Variants in PPP2R2A observed in about 807,000 individuals in gnomAD.
PPP2R2A encodes protein phosphatase 2 regulatory subunit Balpha, also known as serine/threonine-protein phosphatase 2A 55 kDa regulatory subunit B alpha isoform.
In PPP2R2A, 9 loss-of-function variants were observed where a neutral mutation model predicts 53.2. The ratio of observed to expected loss-of-function variants is 0.17; its 90% CI spans 0.10 to 0.30. PPP2R2A has a LOEUF of 0.30. Ranked by LOEUF, PPP2R2A falls within the 10% of genes least tolerant of loss-of-function variation. The pLI, the probability that PPP2R2A is intolerant of heterozygous loss-of-function variation, is 1.00. For synonymous variants in PPP2R2A, 169 were observed against 174.2 expected (o/e 0.97, Z 0.23); for missense variants, 235 against 534.6 (o/e 0.44, Z 5.53).
At chr8:26,344,619 C>T (rs937553375) in intron 3 of PPP2R2A, among the ~76,000 whole-genome samples, 2 of 152,180 alleles carry the variant, frequency 1.3e-5, no homozygotes, top group Admixed American at 1.3e-4. Context: ...TTTGCCCAGC[C>T]ATCTCTTCTT....
At chr8:26,295,910 C>T (rs1449911386) in intron 2 of PPP2R2A, among the ~76,000 whole-genome samples, 2 of 152,040 alleles carry the variant, frequency 1.3e-5, no homozygotes, top group Admixed American at 6.5e-5. Flanking sequence ...AACACATTCC[C>T]CACCCCCCTA....
At position 26,291,738 on chromosome 8, in the gene PPP2R2A, C is replaced by A. The variant is rs1180806586; in HGVS notation, c.-82C>A. ...ATCCGCCGCCATCCGCCCTCTCTAC[C>A]CCCCCATCCCCAGGTGAGGGGGGTG... On this transcript the variant is annotated 5_prime_UTR_variant, in exon 1 of 10. Transcript: ENST00000380737. 20 of 1,483,866 alleles carry A rather than the reference C, an allele frequency of 1.3e-5. No homozygotes were observed. The highest frequency in any genetic ancestry group is 2.9e-5 in the African/African-American group (2 of 70,032). 91.9% of individuals were successfully genotyped at this position (1,483,866 alleles called of 1,614,324 possible).
chr8:26,301,187 G>A (rs184415521), intron 2 of PPP2R2A, among the ~76,000 whole-genome samples: 41 of 152,182 alleles, frequency 2.7e-4, no homozygotes, highest in Admixed American at 2.1e-3. Flanking sequence ...AGGTGAAGGC[G>A]TTTGATGTTG....
In PPP2R2A at chr8:26,354,730, A is replaced by G; in HGVS notation, c.346+97A>G. ...GGAATCATTTAACAGAGATACTTGT[A>G]AAAAGGACTTTTGTTTTTCTATACA... On this transcript the variant is annotated intron_variant, in intron 4 of 9. Coordinates refer to ENST00000380737, the MANE Select transcript of PPP2R2A (RefSeq NM_002717.4). The surrounding 1 kb of genome is among the most constrained non-coding windows in gnomAD (Gnocchi z 4.6). 1 of 1,168,326 alleles carries G rather than the reference A, an allele frequency of 8.6e-7. No homozygotes were observed. Among genetic ancestry groups the G allele is most frequent in the Non-Finnish European group, 1.1e-6 (1 of 887,292 alleles). The allele number at this position is 1,168,326 out of a possible 1,614,324, so 72.4% of individuals were successfully genotyped here. A position where few individuals can be genotyped will look rare whatever the true frequency, so the allele number is the denominator to read the frequency against.
chr8:26,333,909 A>G (rs1372423747), intron 2 of PPP2R2A, among the ~76,000 whole-genome samples: 4 of 152,208 alleles, frequency 2.6e-5, no homozygotes, highest in Admixed American at 6.5e-5. Flanking sequence ...GTTTAGAAAG[A>G]GGGGGTGGAA....
In PPP2R2A at chr8:26,370,720, C is replaced by A. The variant is rs1158993439; in HGVS notation, c.*307C>A. On this transcript the variant is annotated 3_prime_UTR_variant, in exon 10 of 10. Coordinates refer to ENST00000380737, the MANE Select transcript of PPP2R2A (RefSeq NM_002717.4). This position sits in a 1 kb window ranked among gnomAD's most constrained non-coding sequence, Gnocchi z 6.1. ...ACATTGATTTACTCCACTTTTTATG[C>A]CTTCCATTGTGATGACGTCAAACAC... 6 of 362,126 alleles carry A rather than the reference C, an allele frequency of 1.7e-5. No homozygotes were observed. In the East Asian group the frequency reaches 3.3e-4, roughly 20 times the overall value. The allele number at this position is 362,126 out of a possible 1,614,324, so 22.4% of individuals were successfully genotyped here.
intron 4 of PPP2R2A, among the ~76,000 whole-genome samples, chr8:26,359,878 T>C (rs1303401669): frequency 1.3e-5 from 2 of 152,230 alleles, no homozygotes; most frequent in Admixed American, 6.5e-5. Flanking sequence ...CACATGCATA[T>C]CAAGTTTTTC....
intron 9 of PPP2R2A, among the ~76,000 whole-genome samples, chr8:26,369,234 T>G (rs900946553): frequency 6.6e-6 from 1 of 152,066 alleles, no homozygotes; most frequent in Non-Finnish European, 1.5e-5. Context: ...CTGAGAAGAT[T>G]ATTTATTTAT....
At chr8:26,369,374 G>C (rs368907374) in intron 9 of PPP2R2A, among the ~76,000 whole-genome samples, 19 of 148,256 alleles carry the variant, frequency 1.3e-4, no homozygotes, top group East Asian at 1.2e-3. Context: ...CTACAGGCAC[G>C]TGCCACTACA....
chr8:26,338,877 C>G lies in PPP2R2A; in HGVS notation c.83-13C>G. On this transcript the variant is annotated splice_polypyrimidine_tract_variant and intron_variant, in intron 2 of 9. Coordinates refer to ENST00000380737, the MANE Select transcript of PPP2R2A (RefSeq NM_002717.4). This position sits in a 1 kb window ranked among gnomAD's most constrained non-coding sequence, Gnocchi z 4.5. ...AAACTAATATCTTTTTTTGTTTTGT[C>G]TCAATTATACAGCAGATATAATTTC... 1 of 1,517,140 alleles carries G rather than the reference C, an allele frequency of 6.6e-7. No homozygotes were observed. 94.0% of individuals were successfully genotyped at this position (1,517,140 alleles called of 1,614,324 possible).
Position 26,370,129 on chromosome 8 carries a change from C to T in PPP2R2A, c.1065-5C>T. ...TTTGACTGAGTGTACTGTCTATTTT[C>T]ACAGTGTTGTCATGACTGGATCTTA... On this transcript the variant is annotated splice_region_variant and splice_polypyrimidine_tract_variant and intron_variant, in intron 9 of 9. Coordinates refer to ENST00000380737, the MANE Select transcript of PPP2R2A (RefSeq NM_002717.4). This position sits in a 1 kb window ranked among gnomAD's most constrained non-coding sequence, Gnocchi z 6.1. 3 of 1,611,792 alleles carry T rather than the reference C, an allele frequency of 1.9e-6. No individual in the cohort carries two copies. Among genetic ancestry groups the T allele is most frequent in the Non-Finnish European group, 2.5e-6 (3 of 1,178,258 alleles).
intron 2 of PPP2R2A, among the ~76,000 whole-genome samples, chr8:26,314,013 T>C (rs1802420082): frequency 6.6e-6 from 1 of 152,244 alleles, no homozygotes; most frequent in Admixed American, 6.5e-5. Context: ...TTTCTATTAT[T>C]GTTTTCTTTA....
chr8:26,363,669 G>T, intron 7 of PPP2R2A, 52 bp from the exon 8 acceptor site: 3 of 1,391,366 alleles, frequency 2.2e-6, no homozygotes, highest in Non-Finnish European at 2.8e-6. Context: ...CTTTGTCCAA[G>T]CCAGAATATT....
rs200651645 is a variant in PPP2R2A, at chr8:26,362,514, T to TA, written c.638-160dup. Among the ~76,000 whole-genome samples, 576 of 148,898 alleles carry TA rather than the reference T, an allele frequency of 3.9e-3. 1 individual carries two copies. The highest frequency in any genetic ancestry group is 0.012 in the African/African-American group (499 of 40,596). ...AGTGAAACTCCGTCTAAATAAAAAT[T>TA]AAAAAAAAAAGTTTTAATCCCTTTG... On this transcript the variant is annotated intron_variant, in intron 6 of 9. Transcript: ENST00000380737. The surrounding 1 kb of genome is among the most constrained non-coding windows in gnomAD (Gnocchi z 4.4).
chr8:26,302,062 AG>A (rs1801813446), intron 2 of PPP2R2A, among the ~76,000 whole-genome samples: 1 of 152,214 alleles, frequency 6.6e-6, no homozygotes, highest in Non-Finnish European at 1.5e-5. Flanking sequence ...AACTTCTGCA[AG>A]GGGGTAAAGT....
chr8:26,345,348 A>G (rs985679876), intron 3 of PPP2R2A, among the ~76,000 whole-genome samples: 1 of 152,112 alleles, frequency 6.6e-6, no homozygotes, highest in Non-Finnish European at 1.5e-5. Context: ...ATTATTAATA[A>G]TTTTTCCCTC....
intron 1 of PPP2R2A, chr8:26,293,073 A>G (rs1801378804): frequency 1.8e-6 from 1 of 543,518 alleles, no homozygotes; most frequent in Admixed American, 3.7e-5. Context: ...GAAGGGAGGC[A>G]GAACAAGCTT....
chr8:26,315,700 T>C (rs1046917106), intron 2 of PPP2R2A, among the ~76,000 whole-genome samples: 1 of 152,110 alleles, frequency 6.6e-6, no homozygotes. Context: ...TGCTCAGAGG[T>C]TTCACTTTAT....
chr8:26,293,355 A>C, intron 1 of PPP2R2A: 3 of 1,330,124 alleles, frequency 2.3e-6, no homozygotes, highest in Non-Finnish European at 3.1e-6. Flanking sequence ...CTTGGTATTT[A>C]CTTTTTTTCT....
Sources: allele counts gnomAD v4.1 joint callset (sites outside exome capture counted in the v4.1 genomes callset), GRCh38; gene constraint gnomAD v4.1.1; non-coding constraint Gnocchi (gnomAD v3.1); transcripts MANE v1.5; gene names NCBI Gene and HGNC (gene_info 2026-07-23, HGNC 2026-07-21).